The following IQGAP1 variants were observed in gnomAD, a reference collection of about 807,000 sequenced individuals.
IQGAP1 encodes the protein ras GTPase-activating-like protein IQGAP1.
In IQGAP1, 66 loss-of-function variants were observed where a neutral mutation model predicts 215.6. The observed-to-expected ratio is 0.31, with a 90% confidence interval of 0.25 to 0.38. The LOEUF is 0.38. Ranked by LOEUF, IQGAP1 falls within the 10% of genes least tolerant of loss-of-function variation. The pLI, the probability that IQGAP1 is intolerant of heterozygous loss-of-function variation, is 1.00. For missense variants in IQGAP1, 1,712 were observed against 1,997.1 expected (o/e 0.86, Z 2.72); for synonymous variants, 772 against 728.7 (o/e 1.06, Z -0.96).
At chr15:90,487,362 CTG>C in intron 32 of IQGAP1, 131 bp from the exon 33 acceptor site, 1 of 703,640 alleles carries the variant, frequency 1.4e-6, no homozygotes, top group Non-Finnish European at 2.5e-6. Flanking sequence ...GCCTTGAGTA[CTG>C]TGTACTGGCA....
intron 4 of IQGAP1, among the ~76,000 whole-genome samples, chr15:90,431,508 A>G (rs944966124): frequency 3.3e-5 from 5 of 152,192 alleles, no homozygotes; most frequent in African/African-American, 1.2e-4. Context: ...AATATTTGCA[A>G]TTGCTAGTAG....
intron 30 of IQGAP1, among the ~76,000 whole-genome samples, chr15:90,485,080 C>G (rs1251762566): frequency 3.3e-5 from 5 of 152,054 alleles, no homozygotes; most frequent in African/African-American, 1.2e-4. Context: ...GTGGATTTTT[C>G]CCTTGGAAGC....
chr15:90,450,572 A>G lies in IQGAP1; in HGVS notation c.1162+929A>G, dbSNP rs1050253481. Among the ~76,000 whole-genome samples, 7 of 151,738 alleles carry G rather than the reference A, an allele frequency of 4.6e-5. No homozygotes were observed. In the East Asian group the frequency reaches 1.4e-3, roughly 29 times the overall value. ...GCTATAGTAATTTATATTCCCATCA[A>G]CAGTGTATGAGCCCTTTCTCTGCAG... is the stretch of plus-strand genomic sequence containing the variant. On this transcript the variant is annotated intron_variant, in intron 11 of 37. Transcript: ENST00000268182.
At chr15:90,397,979 G>C (rs1018826585) in intron 2 of IQGAP1, 1 of 150,308 alleles carries the variant, frequency 6.7e-6, no homozygotes, top group African/African-American at 2.5e-5. Flanking sequence ...TGCCTTCTGG[G>C]TTCAAGCGAT....
At chr15:90,495,447 C>T (rs1596295909) in intron 36 of IQGAP1, among the ~76,000 whole-genome samples, 4 of 151,972 alleles carry the variant, frequency 2.6e-5, no homozygotes, top group South Asian at 2.1e-4. Context: ...AATATGTATT[C>T]GTTATTAAAC....
intron 17 of IQGAP1, 62 bp from the exon 18 acceptor site, chr15:90,467,388 T>C (rs1965846285): frequency 6.6e-7 from 1 of 1,519,998 alleles, no homozygotes; most frequent in Admixed American, 2.0e-5. Context: ...CCTGCAGTTC[T>C]GGACGTACAG....
rs770414069 is a variant in IQGAP1 at position 90,452,869 on chromosome 15, C to T, written c.1257C>T (p.Pro419=). Residue 419 remains proline (P), a synonymous_variant, in exon 12 of 38, where the codon CCC becomes CCT. Transcript: ENST00000268182. ...LELMNPEAQL[P]QVYPFAADLY... ...TGATGAATCCCGAAGCCCAGCTGCCCCAGGTGTATCCATTTGCCGCCGATC... is the reference window on the plus strand; with the variant it reads ...TGATGAATCCCGAAGCCCAGCTGCCTCAGGTGTATCCATTTGCCGCCGATC... The T allele has an allele frequency of 6.2e-7, 1 of 1,614,060 alleles. No individual in the cohort carries two copies. Among genetic ancestry groups the T allele is most frequent in the Non-Finnish European group, 8.5e-7 (1 of 1,180,006 alleles).
intron 2 of IQGAP1, among the ~76,000 whole-genome samples, chr15:90,398,058 A>G (rs1288848524): frequency 1.3e-5 from 2 of 150,332 alleles, no homozygotes; most frequent in Non-Finnish European, 3.0e-5. Flanking sequence ...TAATTTTTGT[A>G]TTTTTTAGTG....
rs142474235 is a variant in IQGAP1 at position 90,491,288 on chromosome 15, A to G, written c.4249-45A>G. On this transcript the variant is annotated intron_variant, in intron 33 of 37. Coordinates refer to ENST00000268182, the MANE Select transcript of IQGAP1 (RefSeq NM_003870.4). ...TGTGCTATATAAATTCAAGTTTAGG[A>G]TTAGTGTGGTAAACTTGCTAAGAAC... 5,577 of 1,508,610 alleles carry G rather than the reference A, an allele frequency of 3.7e-3. 22 individuals carry two copies. Among genetic ancestry groups the G allele is most frequent in the Non-Finnish European group, 4.5e-3 (4,942 of 1,086,280 alleles). 93.5% of individuals were successfully genotyped at this position (1,508,610 alleles called of 1,614,324 possible).
rs1287860940 is a variant in IQGAP1, at chr15:90,500,311, G to C, written c.*203G>C. 3.9e-6 allele frequency: 2 copies of C among 509,524 alleles called. No homozygotes were observed. The highest frequency in any genetic ancestry group is 7.1e-6 in the Non-Finnish European group (2 of 281,436). 31.6% of individuals were successfully genotyped at this position (509,524 alleles called of 1,614,324 possible). A position where few individuals can be genotyped will look rare whatever the true frequency, so the allele number is the denominator to read the frequency against. The stretch of plus-strand genomic sequence containing the variant: ...TTTTCATAGTGAAATTGTGTTTCAG[G>C]CTTAGTCTGACCTTTCTGGTTTCTT... On this transcript the variant is annotated 3_prime_UTR_variant, in exon 38 of 38. Coordinates refer to ENST00000268182, the MANE Select transcript of IQGAP1 (RefSeq NM_003870.4).
At chr15:90,442,409 C>T (rs142211687) in intron 8 of IQGAP1, among the ~76,000 whole-genome samples, 76 of 151,146 alleles carry the variant, frequency 5.0e-4, no homozygotes, top group African/African-American at 1.7e-3. Context: ...TGAGCCAAGA[C>T]TGCACCAGCC....
At chr15:90,485,418 T>C (rs1267694117) in intron 30 of IQGAP1, among the ~76,000 whole-genome samples, 1 of 152,098 alleles carries the variant, frequency 6.6e-6, no homozygotes, top group Non-Finnish European at 1.5e-5. Flanking sequence ...TTCAGTGTTT[T>C]GTGGGTTTTT....
chr15:90,442,818 A>T (rs751484823), intron 8 of IQGAP1, among the ~76,000 whole-genome samples: 7 of 152,110 alleles, frequency 4.6e-5, no homozygotes, highest in Non-Finnish European at 1.0e-4. Context: ...AAAATACCAA[A>T]AAAATTAACT....
At chr15:90,473,459 G>A (rs1039878353) in intron 19 of IQGAP1, 4 of 466,856 alleles carry the variant, frequency 8.6e-6, no homozygotes, top group African/African-American at 2.0e-5. Context: ...TAAGAAGCCA[G>A]TAAATGAATC....
intron 10 of IQGAP1, 57 bp from the exon 11 acceptor site, chr15:90,449,502 A>C: frequency 1.9e-5 from 26 of 1,342,534 alleles, no homozygotes; most frequent in Non-Finnish European, 2.5e-5. Context: ...TGAGAACCTT[A>C]AGGCCTGGAG....
intron 2 of IQGAP1, chr15:90,391,443 A>G (rs549559953): frequency 6.6e-6 from 1 of 152,178 alleles, no homozygotes; most frequent in Non-Finnish European, 1.5e-5. Context: ...CTTATTGTGC[A>G]TGTTTTGGGC....
At chr15:90,395,600 G>A (rs867210886) in intron 2 of IQGAP1, among the ~76,000 whole-genome samples, 18 of 152,336 alleles carry the variant, frequency 1.2e-4, no homozygotes, top group Middle Eastern at 3.4e-3. Flanking sequence ...GATTACAGGC[G>A]TGAGCCACTG....
chr15:90,407,375 G>T (rs1567115897), intron 2 of IQGAP1, among the ~76,000 whole-genome samples: 2 of 151,926 alleles, frequency 1.3e-5, no homozygotes, highest in African/African-American at 4.8e-5. Flanking sequence ...TCAGTCAACT[G>T]TTATATTAAC....
At chr15:90,426,039 A>G (rs1160017555) in intron 2 of IQGAP1, 71 bp from the exon 3 acceptor site, 1 of 1,450,614 alleles carries the variant, frequency 6.9e-7, no homozygotes, top group Non-Finnish European at 9.3e-7. Flanking sequence ...AATGGAAATA[A>G]AGCTTAAAAT....
Sources: gnomAD v4.1 joint callset for allele counts (sites outside exome capture counted in the v4.1 genomes callset) on GRCh38, gnomAD v4.1.1 for gene constraint, MANE v1.5 for transcripts, NCBI Gene and HGNC (gene_info 2026-07-23, HGNC 2026-07-21) for gene names.